The following EFCAB11 variants were observed in gnomAD, a reference collection of about 807,000 sequenced individuals.
EFCAB11 encodes EF-hand calcium binding domain 11.
In EFCAB11, 14 loss-of-function variants were observed where a neutral mutation model predicts 23.0. The observed-to-expected ratio is 0.61, with a 90% CI of 0.40 to 0.95. The LOEUF is 0.95. Among genes scored for constraint, EFCAB11 ranks in the 40% least tolerant of loss-of-function variants. The pLI is 0.00. For missense variants in EFCAB11, 198 were observed against 195.8 expected (o/e 1.01, Z -0.07); for synonymous variants, 65 against 66.6 (o/e 0.98, Z 0.11).
At chr14:89,798,089 T>A (rs564289002) in intron 5 of EFCAB11, among the ~76,000 whole-genome samples, 1 of 152,344 alleles carries the variant, frequency 6.6e-6, no homozygotes, top group South Asian at 2.1e-4. Context: ...AACCATGACA[T>A]AGGACTTTTT....
intron 5 of EFCAB11, among the ~76,000 whole-genome samples, chr14:89,807,435 T>C (rs1386064475): frequency 1.3e-5 from 2 of 152,134 alleles, no homozygotes; most frequent in Non-Finnish European, 2.9e-5. Flanking sequence ...GTAGGAAAGA[T>C]TACATATTTC....
At chr14:89,830,807 T>C (rs547511744) in intron 5 of EFCAB11, 29 of 152,350 alleles carry the variant, frequency 1.9e-4, no homozygotes, top group African/African-American at 6.7e-4. Context: ...CTTAGTGCTA[T>C]ACACTCATAA....
At chr14:89,858,277 G>A (rs1481811039) in intron 5 of EFCAB11, among the ~76,000 whole-genome samples, 3 of 152,172 alleles carry the variant, frequency 2.0e-5, no homozygotes, top group African/African-American at 4.8e-5. Context: ...GAGCCACCTC[G>A]GAAGCCTTCA....
intron 5 of EFCAB11, among the ~76,000 whole-genome samples, chr14:89,902,023 T>C (rs912758813): frequency 6.6e-6 from 1 of 151,324 alleles, no homozygotes; most frequent in African/African-American, 2.4e-5. Flanking sequence ...CTCACCGTCA[T>C]ATAAAAGAAA....
intron 5 of EFCAB11, among the ~76,000 whole-genome samples, chr14:89,909,613 A>T (rs1889606070): frequency 6.7e-6 from 1 of 149,788 alleles, no homozygotes; most frequent in Non-Finnish European, 1.5e-5. Context: ...ATGTCTGATC[A>T]CCTCACTTCC....
chr14:89,878,207 T>G (rs1888499205), intron 5 of EFCAB11, among the ~76,000 whole-genome samples: 2 of 152,220 alleles, frequency 1.3e-5, no homozygotes, highest in Non-Finnish European at 2.9e-5. Context: ...TTTCATTAGA[T>G]GACCCCTGTG....
chr14:89,834,403 A>AAC (rs67216494), intron 5 of EFCAB11, among the ~76,000 whole-genome samples: 32,525 of 100,594 alleles, frequency 0.32, 9,317 homozygotes, highest in Non-Finnish European at 0.44. Flanking sequence ...AAAAAAAAAA[A>AAC]CCTTTTTGTT....
At chr14:89,930,383 C>A (rs749191036) in intron 5 of EFCAB11, among the ~76,000 whole-genome samples, 2 of 152,210 alleles carry the variant, frequency 1.3e-5, no homozygotes, top group Non-Finnish European at 2.9e-5. Flanking sequence ...TTCTCTCCCC[C>A]TCTTCCTTGG....
chr14:89,908,971 ACT>A (rs767776854), intron 5 of EFCAB11, among the ~76,000 whole-genome samples: 3 of 151,966 alleles, frequency 2.0e-5, no homozygotes, highest in Non-Finnish European at 4.4e-5. Context: ...AAAACAACAG[ACT>A]CTCTGGGCAA....
intron 5 of EFCAB11, among the ~76,000 whole-genome samples, chr14:89,813,375 A>G (rs1886214589): frequency 6.6e-6 from 1 of 152,240 alleles, no homozygotes; most frequent in Non-Finnish European, 1.5e-5. Flanking sequence ...GGTTATTTAT[A>G]AAGGAAAATG....
At chr14:89,830,356 C>G (rs1017603586) in intron 5 of EFCAB11, 1 of 152,144 alleles carries the variant, frequency 6.6e-6, no homozygotes, top group Non-Finnish European at 1.5e-5. Context: ...AATGAACAAA[C>G]ACGAACAATT....
chr14:89,919,540 A>G (rs987700676), intron 5 of EFCAB11, among the ~76,000 whole-genome samples: 8 of 152,184 alleles, frequency 5.3e-5, no homozygotes, highest in African/African-American at 1.9e-4. Flanking sequence ...AATAATGACA[A>G]GAGTCCAGGA....
chr14:89,897,393 G>A (rs146231602), intron 5 of EFCAB11, among the ~76,000 whole-genome samples: 1 of 152,176 alleles, frequency 6.6e-6, no homozygotes, highest in East Asian at 1.9e-4. Flanking sequence ...ATTTTTAGTA[G>A]AGACAGGGTT....
chr14:89,894,103 C>G lies in EFCAB11; in HGVS notation c.410+37438G>C, dbSNP rs549081690. On this transcript the variant is annotated intron_variant, in intron 5 of 5. Coordinates refer to ENST00000316738, the MANE Select transcript of EFCAB11 (RefSeq NM_145231.4). ...CACGCCATTCTCCTGTGCCCGCCAT[C>G]ACGCCCCCGGCTTATTTTTCGTATT... Among the ~76,000 whole-genome samples the G allele has an allele frequency of 3.9e-4, 59 of 152,178 alleles. 2 individuals carry two copies. The South Asian group carries it at 0.01, about 27-fold the overall frequency.
intron 5 of EFCAB11, among the ~76,000 whole-genome samples, chr14:89,867,806 CAG>C (rs1163831091): frequency 6.6e-6 from 1 of 152,114 alleles, no homozygotes; most frequent in Non-Finnish European, 1.5e-5. Context: ...GTTGGGGAAA[CAG>C]GGAGGAGGCA....
chr14:89,827,721 C>T lies in EFCAB11; in HGVS notation c.411-30397G>A, dbSNP rs529439035. On this transcript the variant is annotated intron_variant, in intron 5 of 5. Coordinates refer to ENST00000316738, the MANE Select transcript of EFCAB11 (RefSeq NM_145231.4). Reference sequence around the variant, plus strand: ...CAATCTTGGCTCATTGTACCCTCCGCCTCCCGGGTTCAAGCGATTCTCCTG... The same window carrying T: ...CAATCTTGGCTCATTGTACCCTCCGTCTCCCGGGTTCAAGCGATTCTCCTG... Among the ~76,000 whole-genome samples, 15 of 150,812 alleles carry T rather than the reference C, an allele frequency of 9.9e-5. No individual in the cohort carries two copies. The South Asian group carries it at 3.1e-3, about 32-fold the overall frequency.
intron 3 of EFCAB11, among the ~76,000 whole-genome samples, chr14:89,937,174 A>G (rs1436162541): frequency 3.9e-5 from 6 of 152,208 alleles, no homozygotes; most frequent in Admixed American, 3.3e-4. Context: ...GGTATTCAGA[A>G]ATTGCCTGGG....
At chr14:89,886,378 C>T (rs964448162) in intron 5 of EFCAB11, among the ~76,000 whole-genome samples, 5 of 151,740 alleles carry the variant, frequency 3.3e-5, no homozygotes, top group Admixed American at 6.6e-5. Flanking sequence ...ATGAGCCGGG[C>T]GTGGTGGCGG....
At chr14:89,851,920 C>T (rs1276129640) in intron 5 of EFCAB11, among the ~76,000 whole-genome samples, 1 of 152,192 alleles carries the variant, frequency 6.6e-6, no homozygotes, top group Non-Finnish European at 1.5e-5. Context: ...GGAAGATGAT[C>T]TCTAGTACAA....
Sources: gnomAD v4.1 joint callset for allele counts (sites outside exome capture counted in the v4.1 genomes callset) on GRCh38, gnomAD v4.1.1 for gene constraint, MANE v1.5 for transcripts, NCBI Gene and HGNC (gene_info 2026-07-23, HGNC 2026-07-21) for gene names.